TENM3: variants seen among roughly 807,000 people sequenced by gnomAD.
The protein encoded by TENM3 is teneurin transmembrane protein 3.
Under a neutral mutation model 255.1 loss-of-function variants are expected in TENM3, and 63 were observed. That is an observed-to-expected ratio of 0.25 (90% CI 0.20 to 0.30). The LOEUF is 0.30. TENM3 is among the 10% of genes least tolerant of loss of function. TENM3 has a pLI of 1.00. For synonymous variants in TENM3, 1,306 were observed against 1,322.3 expected, an observed-to-expected ratio of 0.99 and a Z score of 0.27; for missense variants, 2,929 against 3,461.1, an observed-to-expected ratio of 0.85 and a Z score of 3.86.
the TENM3 span, among the ~76,000 whole-genome samples, chr4:182,109,309 A>G: frequency 2.0e-5 from 3 of 149,562 alleles, no homozygotes; most frequent in East Asian, 1.9e-4. Flanking sequence ...CATAATTTAT[A>G]ATCACTACAG....
the TENM3 span, among the ~76,000 whole-genome samples, chr4:181,758,479 A>G: frequency 6.6e-6 from 1 of 152,186 alleles, no homozygotes; most frequent in South Asian, 2.1e-4. Flanking sequence ...TCAGCCTGGG[A>G]ACTTTCCACA....
chr4:182,744,865 C>T (rs1285965698), intron 19 of TENM3, among the ~76,000 whole-genome samples: 1 of 152,016 alleles, frequency 6.6e-6, no homozygotes, highest in African/African-American at 2.4e-5. Flanking sequence ...TTCATGTCTG[C>T]TTTCTGTGTA....
chr4:182,363,985 T>C lies in TENM3; in HGVS notation c.511+17056T>C, dbSNP rs78937193. On this transcript the variant is annotated intron_variant, in intron 3 of 27. Transcript: ENST00000511685. Reference sequence around the variant, plus strand: ...CTTGTAATGGACTGTGTCTCATTTATTGTGACTGGAGTACCATTGTATAGA... The same window carrying C: ...CTTGTAATGGACTGTGTCTCATTTACTGTGACTGGAGTACCATTGTATAGA... Among the ~76,000 whole-genome samples the C allele has an allele frequency of 2.4e-3, 369 of 152,258 alleles. 1 individual carries two copies. The highest frequency in any genetic ancestry group is 8.7e-3 in the African/African-American group (361 of 41,568).
chr4:181,579,524 T>A, the TENM3 span, among the ~76,000 whole-genome samples: 1 of 152,240 alleles, frequency 6.6e-6, no homozygotes, highest in Non-Finnish European at 1.5e-5. Context: ...GGAAGGTTGA[T>A]TGGATTCCAT....
At chr4:182,066,890 G>A in the TENM3 span, among the ~76,000 whole-genome samples, 16 of 152,218 alleles carry the variant, frequency 1.1e-4, no homozygotes, top group South Asian at 2.1e-4. Context: ...CAGCCTGGGC[G>A]ACAGAGCGAG....
the TENM3 span, among the ~76,000 whole-genome samples, chr4:181,858,414 G>A: frequency 6.6e-6 from 1 of 152,196 alleles, no homozygotes; most frequent in Non-Finnish European, 1.5e-5. Flanking sequence ...CACTAGTGAG[G>A]CACATCAGAT....
At chr4:182,217,310 C>A (rs1010034312) in intron 1 of TENM3, among the ~76,000 whole-genome samples, 2 of 151,910 alleles carry the variant, frequency 1.3e-5, no homozygotes, top group Non-Finnish European at 2.9e-5. Flanking sequence ...CGTGAGCCAC[C>A]GCACCTGGCC....
At chr4:182,335,455 A>C (rs996894572) in intron 2 of TENM3, among the ~76,000 whole-genome samples, 1 of 118,230 alleles carries the variant, frequency 8.5e-6, no homozygotes, top group Non-Finnish European at 1.7e-5. Context: ...AGATCGCGCC[A>C]CCGCACTCCA....
intron 3 of TENM3, among the ~76,000 whole-genome samples, chr4:182,556,375 TA>T (rs1203009646): frequency 6.6e-6 from 1 of 152,218 alleles, no homozygotes; most frequent in Non-Finnish European, 1.5e-5. Flanking sequence ...ATTTTGCTTG[TA>T]ACTTGCAGTG....
At chr4:181,611,603 A>C in the TENM3 span, among the ~76,000 whole-genome samples, 8 of 152,308 alleles carry the variant, frequency 5.3e-5, no homozygotes, top group Middle Eastern at 6.8e-3. Flanking sequence ...TTTTCCTCCA[A>C]ATCCTTGGCT....
At chr4:182,055,167 T>C in the TENM3 span, among the ~76,000 whole-genome samples, 37 of 152,070 alleles carry the variant, frequency 2.4e-4, 1 homozygote, top group East Asian at 6.4e-3. Flanking sequence ...GGCAAGATGG[T>C]GAGATCCCAT....
chr4:181,554,919 T>C, the TENM3 span, among the ~76,000 whole-genome samples: 1,039 of 152,308 alleles, frequency 6.8e-3, 11 homozygotes, highest in African/African-American at 0.024. Flanking sequence ...TTACTTTGGA[T>C]CAGTTTATTT....
intron 3 of TENM3, among the ~76,000 whole-genome samples, chr4:182,600,532 C>G (rs1311842808): frequency 4.6e-5 from 7 of 151,988 alleles, no homozygotes; most frequent in Non-Finnish European, 8.8e-5. Context: ...CCTTTGTGTT[C>G]TACTGAAATT....
At chr4:181,837,442 T>C in the TENM3 span, among the ~76,000 whole-genome samples, 1 of 152,352 alleles carries the variant, frequency 6.6e-6, no homozygotes, top group South Asian at 2.1e-4. Flanking sequence ...AGTTTATTTT[T>C]TTCTCTTTAA....
chr4:182,138,722 C>A, the TENM3 span, among the ~76,000 whole-genome samples: 2 of 152,280 alleles, frequency 1.3e-5, no homozygotes, highest in African/African-American at 4.8e-5. Context: ...GTGCTTGCTA[C>A]AATTTGTTTC....
At chr4:182,289,994 C>T (rs1761008672) in intron 1 of TENM3, among the ~76,000 whole-genome samples, 1 of 152,134 alleles carries the variant, frequency 6.6e-6, no homozygotes, top group South Asian at 2.1e-4. Flanking sequence ...AGCCAAGTCA[C>T]TCCCGCTCGT....
intron 2 of TENM3, among the ~76,000 whole-genome samples, chr4:182,335,977 T>A (rs929313312): frequency 5.3e-5 from 8 of 152,178 alleles, no homozygotes; most frequent in African/African-American, 1.9e-4. Flanking sequence ...AAATTCTACA[T>A]CCCTACTATA....
the TENM3 span, among the ~76,000 whole-genome samples, chr4:181,512,252 G>A: frequency 1.3e-5 from 2 of 152,104 alleles, no homozygotes; most frequent in Non-Finnish European, 2.9e-5. Context: ...ATGCTGTGTT[G>A]TGGTCATCTG....
At chr4:182,081,943 C>A in the TENM3 span, 1 of 152,206 alleles carries the variant, frequency 6.6e-6, no homozygotes. Context: ...TTGATGATAC[C>A]AAAACCCTAT....
Sources: gnomAD v4.1 joint callset for allele counts (sites outside exome capture counted in the v4.1 genomes callset) on GRCh38, gnomAD v4.1.1 for gene constraint, MANE v1.5 for transcripts, NCBI Gene and HGNC (gene_info 2026-07-23, HGNC 2026-07-21) for gene names.